The following DLGAP1 variants were observed in gnomAD, a reference collection of about 807,000 sequenced individuals.
DLGAP1 encodes the protein disks large-associated protein 1.
A neutral mutation model predicts 90.8 loss-of-function variants in DLGAP1; 11 were observed. That is an observed-to-expected ratio of 0.12 (90% CI 0.08 to 0.20). The LOEUF (loss-of-function observed/expected upper bound fraction) is 0.20, where lower values mean the gene tolerates loss of function less well. Among genes scored for constraint, DLGAP1 ranks in the 10% least tolerant of loss-of-function variants. The pLI, the probability that DLGAP1 is intolerant of heterozygous loss-of-function variation, is 1.00. For synonymous variants in DLGAP1, 558 were observed against 540.7 expected (o/e 1.03, Z -0.44); for missense variants, 1,050 against 1,333.8 (o/e 0.79, Z 3.31).
At chr18:3,716,750 T>C (rs898499987) in intron 7 of DLGAP1, among the ~76,000 whole-genome samples, 1 of 152,168 alleles carries the variant, frequency 6.6e-6, no homozygotes, top group African/African-American at 2.4e-5. Context: ...ACACACTATT[T>C]TGGATACTGT....
intron 5 of DLGAP1, among the ~76,000 whole-genome samples, chr18:3,767,459 A>C (rs1462577966): frequency 1.3e-5 from 2 of 152,110 alleles, no homozygotes; most frequent in Non-Finnish European, 2.9e-5. Flanking sequence ...CAAAAAAATA[A>C]AACTATAGAC....
intron 3 of DLGAP1, among the ~76,000 whole-genome samples, chr18:3,937,588 T>A (rs1254790034): frequency 2.0e-5 from 3 of 152,174 alleles, no homozygotes; most frequent in Non-Finnish European, 4.4e-5. Context: ...ACACTTACAG[T>A]TTAGCTACCC....
intron 1 of DLGAP1, among the ~76,000 whole-genome samples, chr18:4,309,877 G>A (rs1282677805): frequency 1.3e-5 from 2 of 152,170 alleles, no homozygotes; most frequent in African/African-American, 4.8e-5. Flanking sequence ...ATGAGATAAT[G>A]TTTAGCTTCT....
rs1186426563 is a variant in DLGAP1, at chr18:3,720,888, C to CAAAAAAAAAAAAAAAAAAAAAAAAAAA, written c.1591+8246_1591+8247insTTTTTTTTTTTTTTTTTTTTTTTTTTT. On this transcript the variant is annotated intron_variant, in intron 7 of 12. Coordinates refer to ENST00000315677, the MANE Select transcript of DLGAP1 (RefSeq NM_004746.4). ...GCAACATACTAAGACCTTGTCTCTACAAAAAAAAAAAAAAAAAAAAATTAG... is the reference window on the plus strand; with the variant it reads ...GCAACATACTAAGACCTTGTCTCTACAAAAAAAAAAAAAAAAAAAAAAAAAAAAAAAAAAAAAAAAAAAAAAAATTAG... Among the ~76,000 whole-genome samples the CAAAAAAAAAAAAAAAAAAAAAAAAAAA allele has an allele frequency of 2.4e-4, 12 of 50,312 alleles. 1 individual carries two copies. Among genetic ancestry groups the CAAAAAAAAAAAAAAAAAAAAAAAAAAA allele is most frequent in the African/African-American group, 8.0e-4 (10 of 12,494 alleles). 33.0% of individuals were successfully genotyped at this position (50,312 alleles called of 152,430 possible).
chr18:4,177,639 C>T (rs62086465), intron 1 of DLGAP1, among the ~76,000 whole-genome samples: 59,782 of 151,808 alleles, frequency 0.39, 12,157 homozygotes, highest in East Asian at 0.69. Flanking sequence ...TCATGTAGGC[C>T]CTGGTGTCTG....
intron 1 of DLGAP1, among the ~76,000 whole-genome samples, chr18:4,387,751 C>T (rs1395438004): frequency 2.0e-5 from 3 of 152,006 alleles, no homozygotes; most frequent in South Asian, 2.1e-4. Context: ...GCCAGCATGG[C>T]GAAACCCCGT....
Position 3,664,440 on chromosome 18 carries a change from A to G in DLGAP1, c.1591+64695T>C, listed in dbSNP as rs187985094. ...GACAGACATAGTCAGCTGTGCATAC[A>G]TTTTCTGACTACACATGTGCCCTGT... On this transcript the variant is annotated intron_variant, in intron 7 of 12. Coordinates refer to ENST00000315677, the MANE Select transcript of DLGAP1 (RefSeq NM_004746.4). Among the ~76,000 whole-genome samples the G allele has an allele frequency of 6.0e-4, 92 of 152,246 alleles. No individual in the cohort carries two copies. The South Asian group carries it at 0.01, about 17-fold the overall frequency.
At chr18:3,759,880 G>C (rs1373111821) in intron 5 of DLGAP1, among the ~76,000 whole-genome samples, 4 of 152,224 alleles carry the variant, frequency 2.6e-5, no homozygotes, top group Non-Finnish European at 2.9e-5. Context: ...GCCAGACATA[G>C]TCATTCCAGA....
intron 7 of DLGAP1, among the ~76,000 whole-genome samples, chr18:3,591,915 C>A (rs184049096): frequency 1.3e-5 from 2 of 151,962 alleles, no homozygotes; most frequent in Non-Finnish European, 2.9e-5. Flanking sequence ...ATGAGGACCT[C>A]ATAACAGAGG....
intron 5 of DLGAP1, among the ~76,000 whole-genome samples, chr18:3,743,590 G>A (rs1277732485): frequency 2.6e-5 from 4 of 151,786 alleles, no homozygotes; most frequent in East Asian, 1.9e-4. Flanking sequence ...TCCTGACCTC[G>A]TGATCCGCCC....
intron 1 of DLGAP1, among the ~76,000 whole-genome samples, chr18:4,333,133 T>C (rs964347111): frequency 6.6e-6 from 1 of 152,010 alleles, no homozygotes; most frequent in Non-Finnish European, 1.5e-5. Context: ...ACCATTTACT[T>C]AGCTCACGAT....
In DLGAP1 at chr18:3,879,294, A is replaced by G; in HGVS notation, c.775T>C (p.Cys259Arg). The change falls in exon 4 of 13, where the codon TGC (cysteine) becomes CGC (arginine). Residue 259 changes from cysteine (C) to arginine (R), a missense_variant. Coordinates refer to ENST00000315677, the MANE Select transcript of DLGAP1 (RefSeq NM_004746.4). This position sits in a 1 kb window ranked among gnomAD's most constrained non-coding sequence, Gnocchi z 6.6. ...ACCGGCAGGTTGGCGCAGGTGGAGC[A>G]CTTGACGTCGTTGTTGCTCCGGGAG... ...KASRSNNDVK[C>R]STCANLPVSL... The G allele has an allele frequency of 6.3e-7, 1 of 1,596,398 alleles. No individual in the cohort carries two copies. Among genetic ancestry groups the G allele is most frequent in the Non-Finnish European group, 8.5e-7 (1 of 1,170,864 alleles).
chr18:3,849,808 T>C (rs1436713097), intron 4 of DLGAP1, among the ~76,000 whole-genome samples: 1 of 152,204 alleles, frequency 6.6e-6, no homozygotes, highest in Non-Finnish European at 1.5e-5. Flanking sequence ...GGCCTAGTGA[T>C]AGTAGGCATT....
chr18:4,451,107 G>T (rs2083815802), intron 1 of DLGAP1, among the ~76,000 whole-genome samples: 2 of 152,154 alleles, frequency 1.3e-5, no homozygotes, highest in African/African-American at 2.4e-5. Context: ...GTCAATAATG[G>T]ATGAAGATAA....
intron 1 of DLGAP1, among the ~76,000 whole-genome samples, chr18:4,432,392 A>C (rs1201166805): frequency 6.6e-6 from 1 of 152,074 alleles, no homozygotes; most frequent in East Asian, 1.9e-4. Context: ...GATATTTGTT[A>C]ATGTTTTCCC....
intron 3 of DLGAP1, among the ~76,000 whole-genome samples, chr18:3,960,666 T>C (rs1051443109): frequency 7.2e-5 from 11 of 152,198 alleles, no homozygotes; most frequent in African/African-American, 2.7e-4. Context: ...GGCGAAGAAT[T>C]TGCATTTCTA....
At chr18:3,549,961 T>TG (rs201546073) in intron 9 of DLGAP1, among the ~76,000 whole-genome samples, 8,401 of 152,276 alleles carry the variant, frequency 0.055, 308 homozygotes, top group Admixed American at 0.1. Flanking sequence ...TTGCCCAGGC[T>TG]GGAGTGCAGT....
chr18:3,920,385 T>C (rs1441456940), intron 3 of DLGAP1, among the ~76,000 whole-genome samples: 2 of 151,144 alleles, frequency 1.3e-5, no homozygotes, highest in African/African-American at 4.9e-5. Context: ...CACTGGGTAT[T>C]TTCCTGATCT....
intron 1 of DLGAP1, among the ~76,000 whole-genome samples, chr18:4,363,715 C>T (rs898159128): frequency 2.0e-5 from 3 of 152,210 alleles, no homozygotes; most frequent in South Asian, 2.1e-4. Context: ...GATACCATCT[C>T]ACACCAGTTA....
Sources: allele counts gnomAD v4.1 joint callset (sites outside exome capture counted in the v4.1 genomes callset), GRCh38; gene constraint gnomAD v4.1.1; non-coding constraint Gnocchi (gnomAD v3.1); transcripts MANE v1.5; gene names NCBI Gene and HGNC (gene_info 2026-07-23, HGNC 2026-07-21).